Variants in BBS9 observed in about 807,000 individuals in gnomAD.
BBS9 encodes Bardet-Biedl syndrome 9.
Under a neutral mutation model 117.7 loss-of-function variants are expected in BBS9, and 89 were observed. The ratio of observed to expected loss-of-function variants is 0.76; its 90% confidence interval spans 0.64 to 0.90. The LOEUF is 0.90. Among genes scored for constraint, BBS9 ranks in the 40% least tolerant of loss-of-function variants. BBS9 has a pLI of 0.00. For missense variants in BBS9, 982 were observed against 1,042.2 expected (o/e 0.94, Z 0.80); for synonymous variants, 379 against 370.9 (o/e 1.02, Z -0.25).
intron 19 of BBS9, among the ~76,000 whole-genome samples, chr7:33,502,486 G>T (rs1335084179): frequency 6.6e-6 from 1 of 152,150 alleles, no homozygotes; most frequent in Non-Finnish European, 1.5e-5. Context: ...GATAATAGTA[G>T]GAAGTAATGA....
intron 9 of BBS9, among the ~76,000 whole-genome samples, chr7:33,306,687 C>A (rs576576089): frequency 1.3e-5 from 2 of 152,106 alleles, no homozygotes; most frequent in South Asian, 4.1e-4. Flanking sequence ...AGTAGACGTA[C>A]AAAAAGCATA....
intron 15 of BBS9, among the ~76,000 whole-genome samples, chr7:33,356,834 A>G (rs1053074278): frequency 1.3e-5 from 2 of 151,696 alleles, no homozygotes; most frequent in Non-Finnish European, 3.0e-5. Context: ...CAGCTCCCTG[A>G]CTCCTCTATA....
At chr7:33,129,385 T>C (rs967440108), upstream of BBS9, 1 of 373,294 alleles carries the variant, frequency 2.7e-6, no homozygotes. Context: ...TATCACTCTC[T>C]GCTAATGAGG....
intron 19 of BBS9, among the ~76,000 whole-genome samples, chr7:33,413,034 AAG>A (rs1270333347): frequency 6.6e-6 from 1 of 152,206 alleles, no homozygotes; most frequent in Non-Finnish European, 1.5e-5. Context: ...GACCTAGAAA[AAG>A]AGTCATTTTT....
chr7:33,619,438 G>A (rs1562536627), intron 21 of BBS9, among the ~76,000 whole-genome samples: 1 of 152,044 alleles, frequency 6.6e-6, no homozygotes, highest in Non-Finnish European at 1.5e-5. Context: ...TCTCCACAAT[G>A]GATAAATCAT....
chr7:33,512,950 G>GC (rs139223224), intron 20 of BBS9, among the ~76,000 whole-genome samples: 3,065 of 152,220 alleles, frequency 0.02, 83 homozygotes, highest in African/African-American at 0.056. Context: ...GCATTGGTGT[G>GC]CCCCTCACAC....
At chr7:33,343,494 C>T (rs977287468) in intron 11 of BBS9, among the ~76,000 whole-genome samples, 7 of 151,882 alleles carry the variant, frequency 4.6e-5, no homozygotes, top group Non-Finnish European at 7.4e-5. Context: ...CCATTCCCCT[C>T]CCCTCCCCGC....
intron 1 of BBS9, among the ~76,000 whole-genome samples, chr7:33,142,220 C>T (rs1459235296): frequency 6.6e-6 from 1 of 152,124 alleles, no homozygotes; most frequent in Non-Finnish European, 1.5e-5. Flanking sequence ...CGCGCCTGGC[C>T]TAAATTCTCA....
rs180777080 is a variant in BBS9 at position 33,452,212 on chromosome 7, A to G, written c.2116-53251A>G. On this transcript the variant is annotated intron_variant, in intron 19 of 22. Transcript: ENST00000242067. ...ATTTTTATCTTTTTTTTTTTTAGCAATGTTTTATAGTTTTTAGTGTACAAG... is the reference window on the plus strand; with the variant it reads ...ATTTTTATCTTTTTTTTTTTTAGCAGTGTTTTATAGTTTTTAGTGTACAAG... 1.5e-4 allele frequency among the ~76,000 whole-genome samples: 23 copies of G among 151,436 alleles called. No individual in the cohort carries two copies. In the South Asian group the frequency reaches 2.1e-3, roughly 14 times the overall value.
At chr7:33,503,115 T>G (rs564477564) in intron 19 of BBS9, among the ~76,000 whole-genome samples, 1 of 152,196 alleles carries the variant, frequency 6.6e-6, no homozygotes, top group Admixed American at 6.5e-5. Flanking sequence ...AACTCATGAG[T>G]GCACATGACT....
chr7:33,329,425 G>C (rs1563006536), intron 9 of BBS9, among the ~76,000 whole-genome samples: 1 of 151,968 alleles, frequency 6.6e-6, no homozygotes, highest in Non-Finnish European at 1.5e-5. Flanking sequence ...CCTAATTCAT[G>C]TTTTATACAT....
intron 1 of BBS9, among the ~76,000 whole-genome samples, chr7:33,134,295 C>T (rs1283759353): frequency 6.7e-6 from 1 of 149,652 alleles, no homozygotes; most frequent in Non-Finnish European, 1.5e-5. Context: ...GAACTTCTGG[C>T]CTCAGGTGAT....
Position 33,602,675 on chromosome 7 carries a change from G to A in BBS9, c.2522-2190G>A, listed in dbSNP as rs2598387. Among the ~76,000 whole-genome samples the A allele has an allele frequency of 4.1e-3, 625 of 152,252 alleles. 6 individuals carry two copies. The highest frequency in any genetic ancestry group is 0.015 in the African/African-American group (605 of 41,548). ...ACCTGGGAGACGGAGGTTGCGGTGA[G>A]CCGAGTTCACGCCATTGCACTCCAG... is the stretch of plus-strand genomic sequence containing the variant. On this transcript the variant is annotated intron_variant, in intron 21 of 22. Transcript: ENST00000242067.
At chr7:33,495,832 A>G (rs1425441090) in intron 19 of BBS9, among the ~76,000 whole-genome samples, 1 of 152,188 alleles carries the variant, frequency 6.6e-6, no homozygotes, top group Non-Finnish European at 1.5e-5. Flanking sequence ...TATGGTGAAT[A>G]AACTTTGCAG....
At chr7:33,536,477 A>G (rs1851387820) in intron 21 of BBS9, among the ~76,000 whole-genome samples, 1 of 152,170 alleles carries the variant, frequency 6.6e-6, no homozygotes, top group Non-Finnish European at 1.5e-5. Context: ...GACATGTAGA[A>G]TTATTGCTGT....
intron 19 of BBS9, among the ~76,000 whole-genome samples, chr7:33,430,189 C>T (rs1195122174): frequency 6.6e-6 from 1 of 152,156 alleles, no homozygotes; most frequent in Non-Finnish European, 1.5e-5. Flanking sequence ...TATGGTCTCC[C>T]TACAACCAAT....
intron 5 of BBS9, among the ~76,000 whole-genome samples, chr7:33,200,085 AT>A (rs1390767743): frequency 6.6e-6 from 1 of 151,880 alleles, no homozygotes; most frequent in African/African-American, 2.4e-5. Flanking sequence ...GATTTATCCT[AT>A]TTAGATTTTG....
chr7:33,449,248 C>T (rs778292472), intron 19 of BBS9, among the ~76,000 whole-genome samples: 6 of 152,124 alleles, frequency 3.9e-5, no homozygotes, highest in Non-Finnish European at 7.3e-5. Flanking sequence ...AACTGCAATG[C>T]CCTGTTTATT....
At chr7:33,289,348 T>C (rs879409330) in intron 9 of BBS9, among the ~76,000 whole-genome samples, 4 of 152,208 alleles carry the variant, frequency 2.6e-5, no homozygotes, top group Non-Finnish European at 5.9e-5. Flanking sequence ...GCCAAGCCTC[T>C]TTCATTTAAA....
Sources: allele counts gnomAD v4.1 joint callset (sites outside exome capture counted in the v4.1 genomes callset), GRCh38; gene constraint gnomAD v4.1.1; transcripts MANE v1.5; gene names NCBI Gene and HGNC (gene_info 2026-07-23, HGNC 2026-07-21).